Variants in CCDC14 observed in about 807,000 individuals in gnomAD.
CCDC14 encodes coiled-coil domain-containing protein 14.
In CCDC14, 71 loss-of-function variants were observed where a neutral mutation model predicts 81.4. The observed-to-expected ratio is 0.87, with a 90% CI of 0.72 to 1.06. CCDC14 has a LOEUF of 1.06. CCDC14 is among the 50% of genes least tolerant of loss of function. CCDC14 has a pLI of 0.00. For missense variants in CCDC14, 1,046 were observed against 1,047.3 expected, an observed-to-expected ratio of 1.00 and a Z score of 0.02; for synonymous variants, 332 against 364.8, an observed-to-expected ratio of 0.91 and a Z score of 1.03.
In CCDC14 at chr3:123,961,089, A is replaced by C. The variant is rs868430907; in HGVS notation, c.30+55T>G. 8.5e-5 allele frequency: 122 copies of C among 1,429,848 alleles called. No homozygotes were observed. In the Middle Eastern group the frequency reaches 2.5e-3, roughly 30 times the overall value. 88.6% of individuals were successfully genotyped at this position (1,429,848 alleles called of 1,614,324 possible). ...AGTTTTACAAGTTCCTGGCCCGAAA[A>C]CCCCCCTGTCCCTCTCCATCCCCAC... On this transcript the variant is annotated intron_variant, in intron 1 of 12. Transcript: ENST00000409697.
At chr3:123,954,181 T>C (rs2037199629) in intron 5 of CCDC14, 1 of 152,172 alleles carries the variant, frequency 6.6e-6, no homozygotes. Flanking sequence ...GTGCTACCGC[T>C]CCTTTCTTTC....
chr3:123,912,081 A>C (rs998757934), downstream of CCDC14, among the ~76,000 whole-genome samples: 2 of 152,190 alleles, frequency 1.3e-5, no homozygotes, highest in African/African-American at 4.8e-5. Flanking sequence ...CACAACTACT[A>C]AATTCATTGT....
At chr3:123,905,513 T>C (rs926463749) in intron 5 of CCDC14, among the ~76,000 whole-genome samples, 1 of 151,826 alleles carries the variant, frequency 6.6e-6, no homozygotes, top group Non-Finnish European at 1.5e-5. Context: ...GTCCCAATCC[T>C]ATGGGAGGAA....
Position 123,936,028 on chromosome 3 carries a change from C to T in CCDC14, c.1344-2273G>A, listed in dbSNP as rs899933270. On this transcript the variant is annotated intron_variant, in intron 9 of 12. Transcript: ENST00000409697. ...TCCTAGACCATCAAGGACTCTGCTC[C>T]TATCCCACTCCCTTTATCTTCTGTA... Among the ~76,000 whole-genome samples, 4 of 152,162 alleles carry T rather than the reference C, an allele frequency of 2.6e-5. No individual in the cohort carries two copies. In the South Asian group the frequency reaches 8.3e-4, roughly 32 times the overall value.
chr3:123,924,020 AGCTGG>A (rs2035213699), intron 12 of CCDC14, among the ~76,000 whole-genome samples: 1 of 151,740 alleles, frequency 6.6e-6, no homozygotes, highest in Non-Finnish European at 1.5e-5. Flanking sequence ...AAAAGAACAA[AGCTGG>A]GGGCACCACA....
chr3:123,896,235 G>A (rs182668544), downstream of CCDC14, among the ~76,000 whole-genome samples: 7 of 152,248 alleles, frequency 4.6e-5, no homozygotes, highest in East Asian at 1.4e-3. Context: ...GGACTAGCAC[G>A]CTAAGTCCCC....
At chr3:123,937,305 T>TA (rs574629524) in intron 9 of CCDC14, among the ~76,000 whole-genome samples, 169 of 152,204 alleles carry the variant, frequency 1.1e-3, no homozygotes, top group Non-Finnish European at 2.2e-3. Flanking sequence ...TCCCATCAGT[T>TA]AATTGTGAAA....
At position 123,926,266 on chromosome 3, in the gene CCDC14, C is replaced by T. The variant is rs560413164; in HGVS notation, c.1778+4836G>A. Among the ~76,000 whole-genome samples the T allele has an allele frequency of 6.6e-5, 10 of 152,038 alleles. No individual in the cohort carries two copies. The South Asian group carries it at 2.1e-3, about 32-fold the overall frequency. On this transcript the variant is annotated intron_variant, in intron 12 of 12. Transcript: ENST00000409697. ...CACCATTGTCTCTGAAATTAAAAAT[C>T]TCTGTAAGAAATATGAAAACGTTAA...
intron 5 of CCDC14, among the ~76,000 whole-genome samples, chr3:123,903,924 G>T (rs1037413036): frequency 4.6e-5 from 7 of 152,312 alleles, no homozygotes; most frequent in Admixed American, 3.9e-4. Flanking sequence ...CTCTTGGAGA[G>T]AAGGGTCTGT....
intron 9 of CCDC14, among the ~76,000 whole-genome samples, chr3:123,942,976 G>A (rs142416856): frequency 1.3e-5 from 2 of 151,916 alleles, no homozygotes; most frequent in Admixed American, 1.3e-4. Context: ...GGGGCTACAC[G>A]AGTGCTTACT....
At chr3:123,926,821 T>C (rs554610081) in intron 12 of CCDC14, among the ~76,000 whole-genome samples, 1 of 152,248 alleles carries the variant, frequency 6.6e-6, no homozygotes, top group Admixed American at 6.5e-5. Flanking sequence ...ACAAAATCTC[T>C]TTTCGGAGAT....
intron 5 of CCDC14, among the ~76,000 whole-genome samples, chr3:123,950,814 A>T (rs1173613082): frequency 6.6e-6 from 1 of 152,218 alleles, no homozygotes; most frequent in South Asian, 2.1e-4. Flanking sequence ...AAATAATTAA[A>T]AATTTAAAAG....
At chr3:123,949,190 A>G (rs2036862466) in intron 5 of CCDC14, 58 bp from the exon 6 acceptor site, 1 of 1,072,384 alleles carries the variant, frequency 9.3e-7, no homozygotes, top group Non-Finnish European at 1.4e-6. Context: ...CTTTTACCGT[A>G]AGATTTTAAG....
In CCDC14 at chr3:123,949,071, TG is replaced by T; in HGVS notation, c.413del (p.Thr138AsnfsTer4). On this transcript the variant is annotated frameshift_variant, in exon 6 of 13. Coordinates refer to ENST00000409697, the MANE Select transcript of CCDC14 (RefSeq NM_001366335.1). LOFTEE classifies it high-confidence loss of function. ...ATGACCAGTTTTGCTCTAGGTCTGATGTGTCTCTTTCACTTCTAGCAGAAGC... is the reference window on the plus strand; with the variant it reads ...ATGACCAGTTTTGCTCTAGGTCTGATTGTCTCTTTCACTTCTAGCAGAAGC... ...NEASARSERD[T>X]SDLEQNWSLQ... 2 of 1,613,020 alleles carry T rather than the reference TG, an allele frequency of 1.2e-6. No homozygotes were observed. Among genetic ancestry groups the T allele is most frequent in the Non-Finnish European group, 1.7e-6 (2 of 1,179,366 alleles).
At chr3:123,898,887 T>G (rs1251746447) in intron 5 of CCDC14, among the ~76,000 whole-genome samples, 1 of 149,088 alleles carries the variant, frequency 6.7e-6, no homozygotes, top group Non-Finnish European at 1.5e-5. Flanking sequence ...TTTGGTTGTT[T>G]TTTTTTTTTT....
chr3:123,895,383 A>G (rs1392412468), downstream of CCDC14, among the ~76,000 whole-genome samples: 1 of 152,208 alleles, frequency 6.6e-6, no homozygotes, highest in Admixed American at 6.5e-5. Flanking sequence ...TTAATCTTAC[A>G]TGGGTGTTGA....
chr3:123,906,700 C>T (rs1461970341), intron 5 of CCDC14, among the ~76,000 whole-genome samples: 1 of 152,148 alleles, frequency 6.6e-6, no homozygotes, highest in Non-Finnish European at 1.5e-5. Flanking sequence ...AAAATTATGT[C>T]ACCTACAAAG....
chr3:123,898,078 C>G (rs2034106225), intron 5 of CCDC14, among the ~76,000 whole-genome samples: 1 of 152,214 alleles, frequency 6.6e-6, no homozygotes, highest in Non-Finnish European at 1.5e-5. Context: ...TAGTGCATTT[C>G]TACCTCAAAT....
At chr3:123,958,726 T>G (rs1448835490) in intron 1 of CCDC14, 1 of 152,074 alleles carries the variant, frequency 6.6e-6, no homozygotes, top group African/African-American at 2.4e-5. Flanking sequence ...AGAATTACAA[T>G]CTAATATTCA....
Sources: gnomAD v4.1 joint callset for allele counts (sites outside exome capture counted in the v4.1 genomes callset) on GRCh38, gnomAD v4.1.1 for gene constraint, MANE v1.5 for transcripts, NCBI Gene and HGNC (gene_info 2026-07-23, HGNC 2026-07-21) for gene names.